Variants in SLC6A5 observed in about 807,000 individuals in gnomAD.
SLC6A5 encodes the protein solute carrier family 6 member 5.
In SLC6A5, 58 loss-of-function variants were observed where a neutral mutation model predicts 90.5. That is an observed-to-expected ratio of 0.64 (90% CI 0.52 to 0.80). The LOEUF (loss-of-function observed/expected upper bound fraction) is 0.80. SLC6A5 is among the 30% of genes least tolerant of loss of function. The probability of loss-of-function intolerance (pLI) is 0.00; values close to 1 mark genes in which losing one functional copy is unlikely to be tolerated. For synonymous variants in SLC6A5, 427 were observed against 401.4 expected, an observed-to-expected ratio of 1.06 and a Z score of -0.76; for missense variants, 1,015 against 1,017.6, an observed-to-expected ratio of 1.00 and a Z score of 0.03.
At position 20,659,054 on chromosome 11, in the gene SLC6A5, C is replaced by CATATATAT. The variant is rs3045455; in HGVS notation, c.*4207_*4214dup. On this transcript the variant is annotated 3_prime_UTR_variant, in exon 16 of 16. Transcript: ENST00000525748. ...ATATATTATGTTACAAATGATGCAT[C>CATATATAT]ATATATATATATATATATATATATA... The CATATATAT allele has an allele frequency of 2.5e-3, 352 of 143,644 alleles. 2 individuals are homozygous for CATATATAT. Among genetic ancestry groups the CATATATAT allele is most frequent in the Middle Eastern group, 3.6e-3 (1 of 274 alleles). The allele number at this position is 143,644 out of a possible 1,614,324, so 8.9% of individuals were successfully genotyped here. A position where few individuals can be genotyped will look rare whatever the true frequency, so the allele number is the denominator to read the frequency against.
chr11:20,619,893 G>T (rs1172865404), intron 7 of SLC6A5, among the ~76,000 whole-genome samples: 1 of 152,094 alleles, frequency 6.6e-6, no homozygotes, highest in Non-Finnish European at 1.5e-5. Flanking sequence ...AGTACCATGA[G>T]ACTGGATTGA....
intron 9 of SLC6A5, among the ~76,000 whole-genome samples, chr11:20,628,497 G>T (rs190290265): frequency 7.0e-4 from 106 of 152,242 alleles, no homozygotes; most frequent in African/African-American, 2.5e-3. Flanking sequence ...AGTCACATTG[G>T]ATCAGGGACC....
intron 2 of SLC6A5, among the ~76,000 whole-genome samples, chr11:20,602,366 G>A (rs563205622): frequency 1.3e-5 from 2 of 152,128 alleles, no homozygotes; most frequent in Non-Finnish European, 1.5e-5. Flanking sequence ...TTAATTAGAG[G>A]CGTGAAAAAC....
chr11:20,606,527 G>T (rs11025647), intron 3 of SLC6A5, among the ~76,000 whole-genome samples: 9,690 of 152,158 alleles, frequency 0.064, 415 homozygotes, highest in Non-Finnish European at 0.09. Flanking sequence ...GCCCAACCCT[G>T]GTTGGCAGAA....
In SLC6A5 at chr11:20,657,379, C is replaced by T. The variant is rs1311382033; in HGVS notation, c.*2511C>T. The T allele has an allele frequency of 1.3e-5, 2 of 151,984 alleles. No individual in the cohort carries two copies. The highest frequency in any genetic ancestry group is 2.4e-5 in the African/African-American group (1 of 41,308). The allele number at this position is 151,984 out of a possible 1,614,324, so 9.4% of individuals were successfully genotyped here. ...GTCCAGGTAAGATGCAGTAGCTGCT[C>T]CCTGAGCAGCTGTTTCCCCCCCACC... On this transcript the variant is annotated 3_prime_UTR_variant, in exon 16 of 16. Transcript: ENST00000525748.
intron 7 of SLC6A5, among the ~76,000 whole-genome samples, chr11:20,625,189 G>A (rs576276969): frequency 5.3e-5 from 8 of 152,272 alleles, no homozygotes; most frequent in South Asian, 2.1e-4. Context: ...GGACAGGTAC[G>A]GAAGGAAAGG....
chr11:20,647,623 G>T (rs1241094545), intron 14 of SLC6A5, among the ~76,000 whole-genome samples: 2 of 151,964 alleles, frequency 1.3e-5, no homozygotes, highest in Non-Finnish European at 2.9e-5. Context: ...TGTTCACAGT[G>T]CTTCCTATGT....
At chr11:20,633,814 T>C (rs927273891) in intron 10 of SLC6A5, among the ~76,000 whole-genome samples, 3 of 152,210 alleles carry the variant, frequency 2.0e-5, no homozygotes, top group Non-Finnish European at 2.9e-5. Context: ...AACTAAAGTT[T>C]GTCTAGAGAG....
intron 15 of SLC6A5, 110 bp from the exon 16 acceptor site, chr11:20,654,603 C>G (rs1441252675): frequency 1.9e-6 from 2 of 1,077,878 alleles, no homozygotes; most frequent in African/African-American, 1.6e-5. Context: ...TTGGCTCAAG[C>G]AAGGACTCTG....
chr11:20,612,431 C>T (rs556575389), intron 5 of SLC6A5, among the ~76,000 whole-genome samples: 29 of 152,294 alleles, frequency 1.9e-4, no homozygotes, highest in South Asian at 8.3e-4. Context: ...AGTAGTGGAA[C>T]GCCTGAACTC....
chr11:20,601,613 C>T lies in SLC6A5; in HGVS notation c.488C>T (p.Thr163Met), dbSNP rs772582591. 11 of 1,613,966 alleles carry T rather than the reference C, an allele frequency of 6.8e-6. No individual in the cohort carries two copies. The African/African-American group carries it at 8.0e-5, about 12-fold the overall frequency. ...NMSQSTVVLA[T>M]DGITSVLPGS... ...AGCCAGAGCACCGTGGTGCTGGCCACGGATGGAATCACGTCCGTGCTCCCG... is the reference window on the plus strand; with the variant it reads ...AGCCAGAGCACCGTGGTGCTGGCCATGGATGGAATCACGTCCGTGCTCCCG... The change falls in exon 2 of 16, where the codon ACG (threonine) becomes ATG (methionine). Residue 163 changes from threonine (T) to methionine (M), a missense_variant. Thr to Met is a moderately conservative substitution (Grantham distance 81, BLOSUM62 -1). Coordinates refer to ENST00000525748, the MANE Select transcript of SLC6A5 (RefSeq NM_004211.5).
chr11:20,635,213 G>A (rs188431196), intron 10 of SLC6A5, among the ~76,000 whole-genome samples: 2 of 152,168 alleles, frequency 1.3e-5, no homozygotes, highest in African/African-American at 4.8e-5. Context: ...TTTCTCATTT[G>A]TTTATTGTAA....
At chr11:20,611,778 A>C (rs576782271) in intron 5 of SLC6A5, among the ~76,000 whole-genome samples, 2 of 151,502 alleles carry the variant, frequency 1.3e-5, no homozygotes, top group South Asian at 2.1e-4. Context: ...AAAAAAAAAA[A>C]AAAACAAGGT....
intron 9 of SLC6A5, 75 bp from the exon 10 acceptor site, chr11:20,630,616 T>G: frequency 1.3e-6 from 2 of 1,525,778 alleles, no homozygotes; most frequent in Non-Finnish European, 1.8e-6. Context: ...TGGGCACACA[T>G]TTGTGTGTCC....
At chr11:20,607,941 C>A (rs563484504) in intron 5 of SLC6A5, among the ~76,000 whole-genome samples, 8 of 152,294 alleles carry the variant, frequency 5.3e-5, no homozygotes, top group African/African-American at 1.9e-4. Flanking sequence ...TGGTTGGGTT[C>A]AGAAAATTTG....
At chr11:20,637,656 G>A (rs1853235479) in intron 12 of SLC6A5, among the ~76,000 whole-genome samples, 1 of 152,216 alleles carries the variant, frequency 6.6e-6, no homozygotes, top group African/African-American at 2.4e-5. Flanking sequence ...AGGTTGCAGT[G>A]TGCTCTGATT....
chr11:20,649,729 T>G (rs1565290287), intron 14 of SLC6A5, among the ~76,000 whole-genome samples: 1 of 152,226 alleles, frequency 6.6e-6, no homozygotes, highest in African/African-American at 2.4e-5. Context: ...ACTGTATACA[T>G]AGTCAGATCA....
intron 14 of SLC6A5, among the ~76,000 whole-genome samples, chr11:20,651,719 C>T (rs1238621595): frequency 6.6e-6 from 1 of 151,900 alleles, no homozygotes; most frequent in Non-Finnish European, 1.5e-5. Context: ...ATCAGCCTGG[C>T]CAACATGGTG....
rs1239815705 is a variant in SLC6A5, at chr11:20,659,238, T to C, written c.*4370T>C. ...TATAAATTAGAATTTACCCTAATAA[T>C]GTATGAGTTCACAAAACCCTAAATA... On this transcript the variant is annotated 3_prime_UTR_variant, in exon 16 of 16. Transcript: ENST00000525748. 1 of 152,068 alleles carries C rather than the reference T, an allele frequency of 6.6e-6. No individual in the cohort carries two copies. The highest frequency in any genetic ancestry group is 1.9e-4 in the East Asian group (1 of 5,188). The allele number at this position is 152,068 out of a possible 1,614,324, so 9.4% of individuals were successfully genotyped here.
Sources: gnomAD v4.1 joint callset for allele counts (sites outside exome capture counted in the v4.1 genomes callset) on GRCh38, gnomAD v4.1.1 for gene constraint, MANE v1.5 for transcripts, NCBI Gene and HGNC (gene_info 2026-07-23, HGNC 2026-07-21) for gene names.